Variants in FOCAD observed in about 807,000 individuals in gnomAD.
FOCAD encodes focadhesin.
In FOCAD, 198 loss-of-function variants were observed where a neutral mutation model predicts 225.6. The observed-to-expected ratio is 0.88, with a 90% CI of 0.78 to 0.99. The LOEUF is 0.99. FOCAD is among the 50% of genes least tolerant of loss of function. The pLI, the probability that FOCAD is intolerant of heterozygous loss-of-function variation, is 0.00. For synonymous variants in FOCAD, 897 were observed against 755.0 expected, an observed-to-expected ratio of 1.19 and a Z score of -3.08; for missense variants, 2,713 against 2,123.6, an observed-to-expected ratio of 1.28 and a Z score of -5.46.
At chr9:20,983,208 G>A (rs568925765) in intron 39 of FOCAD, among the ~76,000 whole-genome samples, 2 of 152,150 alleles carry the variant, frequency 1.3e-5, no homozygotes, top group Non-Finnish European at 1.5e-5. Flanking sequence ...TGCAGACGGA[G>A]CCCAGGAGTC....
intron 43 of FOCAD, among the ~76,000 whole-genome samples, chr9:20,995,236 T>C (rs981493186): frequency 1.2e-4 from 19 of 152,006 alleles, no homozygotes; most frequent in African/African-American, 4.3e-4. Flanking sequence ...GAGGAGATTT[T>C]TACAAAGGGA....
At chr9:20,898,507 G>A (rs1445190336) in intron 21 of FOCAD, among the ~76,000 whole-genome samples, 1 of 151,816 alleles carries the variant, frequency 6.6e-6, no homozygotes, top group East Asian at 1.9e-4. Context: ...GTTGTGTCCA[G>A]TCTGTTAATA....
chr9:20,862,884 T>A (rs909504056), intron 16 of FOCAD, 172 bp downstream of exon 16: 5 of 511,458 alleles, frequency 9.8e-6, no homozygotes, highest in African/African-American at 2.0e-5. Flanking sequence ...CAATCTTATG[T>A]CTAAAATGTA....
In FOCAD at chr9:20,932,182, T is replaced by A. The variant is rs185777407; in HGVS notation, c.3318-832T>A. Among the ~76,000 whole-genome samples the A allele has an allele frequency of 3.0e-4, 45 of 152,264 alleles. No homozygotes were observed. In the East Asian group the frequency reaches 8.1e-3, roughly 27 times the overall value. On this transcript the variant is annotated intron_variant, in intron 27 of 43. Coordinates refer to ENST00000338382, the MANE Select transcript of FOCAD (RefSeq NM_001375567.1). ...AAGTCTGTGTGTGTGATATGAGGGG[T>A]GTGCGTGTGGGCATTTGTTTTTCAT...
intron 7 of FOCAD, among the ~76,000 whole-genome samples, chr9:20,767,485 T>C (rs1830150925): frequency 6.6e-6 from 1 of 151,230 alleles, no homozygotes; most frequent in South Asian, 2.1e-4. Flanking sequence ...CTCCAGCACC[T>C]GTTGTTTCCT....
At position 20,816,104 on chromosome 9, in the gene FOCAD, T is replaced by TA. The variant is rs537925470; in HGVS notation, c.1456-3691dup. 1.2e-3 allele frequency among the ~76,000 whole-genome samples: 184 copies of TA among 152,250 alleles called. 1 individual carries two copies. The highest frequency in any genetic ancestry group is 9.7e-3 in the Admixed American group (148 of 15,276). ...CTGGCCAGAGGAAAAGACACACCCT[T>TA]ACGTGCTTTTTTTAGGGCCAAGTCT... is the stretch of plus-strand genomic sequence containing the variant. On this transcript the variant is annotated intron_variant, in intron 11 of 43. Coordinates refer to ENST00000338382, the MANE Select transcript of FOCAD (RefSeq NM_001375567.1).
At chr9:20,867,156 T>A in intron 18 of FOCAD, 144 bp downstream of exon 18, 1 of 531,942 alleles carries the variant, frequency 1.9e-6, no homozygotes, top group Non-Finnish European at 3.3e-6. Context: ...TTCATACCCA[T>A]TATTTGTTTA....
chr9:20,803,975 A>G (rs1822126006), intron 11 of FOCAD, among the ~76,000 whole-genome samples: 1 of 152,142 alleles, frequency 6.6e-6, no homozygotes, highest in Non-Finnish European at 1.5e-5. Flanking sequence ...TAACCTTCCT[A>G]ATCTCCTCAG....
rs775917305 is a variant in FOCAD, at chr9:20,819,905, G to A, written c.1560+5G>A. The A allele has an allele frequency of 2.0e-6, 3 of 1,471,082 alleles. 1 individual carries two copies. The South Asian group carries it at 4.1e-5, about 20-fold the overall frequency. 91.1% of individuals were successfully genotyped at this position (1,471,082 alleles called of 1,614,324 possible). On this transcript the variant is annotated splice_donor_5th_base_variant and intron_variant, in intron 12 of 43. Transcript: ENST00000338382. ...CCTAAGCTTGGTGTTCACAAGGTTA[G>A]TATGTTAATTAATTTAGTTGGCGAA...
intron 1 of FOCAD, among the ~76,000 whole-genome samples, chr9:20,713,766 C>A (rs1825068835): frequency 6.6e-6 from 1 of 152,134 alleles, no homozygotes; most frequent in South Asian, 2.1e-4. Flanking sequence ...TTTCTTTCAC[C>A]CATGGAGATA....
intron 4 of FOCAD, among the ~76,000 whole-genome samples, chr9:20,726,842 CT>C (rs1050204689): frequency 5.3e-5 from 8 of 152,118 alleles, no homozygotes; most frequent in African/African-American, 1.7e-4. Flanking sequence ...GTATTCATAT[CT>C]TGTTACATTA....
chr9:20,797,057 A>G (rs1379096419), intron 11 of FOCAD, among the ~76,000 whole-genome samples: 1 of 152,284 alleles, frequency 6.6e-6, no homozygotes, highest in Middle Eastern at 3.4e-3. Flanking sequence ...TCCCACCATC[A>G]TTTATTAAAT....
intron 10 of FOCAD, among the ~76,000 whole-genome samples, chr9:20,786,727 T>C (rs1343490050): frequency 6.6e-6 from 1 of 152,252 alleles, no homozygotes; most frequent in African/African-American, 2.4e-5. Flanking sequence ...TGTTACTACT[T>C]AATGTGTCTG....
intron 8 of FOCAD, among the ~76,000 whole-genome samples, chr9:20,774,464 A>G (rs1326254477): frequency 6.6e-6 from 1 of 152,234 alleles, no homozygotes; most frequent in Non-Finnish European, 1.5e-5. Flanking sequence ...TAGCTGGAAT[A>G]CTTCCACAAA....
At chr9:20,742,895 C>T (rs1326870173) in intron 5 of FOCAD, among the ~76,000 whole-genome samples, 2 of 152,070 alleles carry the variant, frequency 1.3e-5, no homozygotes, top group Non-Finnish European at 2.9e-5. Context: ...TTAAGAGGTC[C>T]GTAATCAATC....
chr9:20,980,411 T>G (rs1840589807), intron 37 of FOCAD, among the ~76,000 whole-genome samples: 2 of 152,352 alleles, frequency 1.3e-5, no homozygotes, highest in African/African-American at 4.8e-5. Flanking sequence ...GAAATTTTCC[T>G]AAATTTTACT....
intron 10 of FOCAD, among the ~76,000 whole-genome samples, chr9:20,784,581 C>G (rs958190997): frequency 3.9e-5 from 6 of 152,136 alleles, no homozygotes; most frequent in African/African-American, 1.4e-4. Flanking sequence ...CAAAATTCAT[C>G]TTTATGAAAC....
chr9:20,800,665 C>G (rs1821707168), intron 11 of FOCAD, among the ~76,000 whole-genome samples: 1 of 152,266 alleles, frequency 6.6e-6, no homozygotes, highest in Admixed American at 6.5e-5. Context: ...GTGCATTCGT[C>G]AAATAGTTCT....
rs116679820 is a variant in FOCAD, at chr9:20,968,250, C to T, written c.4133-8170C>T. On this transcript the variant is annotated intron_variant, in intron 35 of 43. Coordinates refer to ENST00000338382, the MANE Select transcript of FOCAD (RefSeq NM_001375567.1). The stretch of plus-strand genomic sequence containing the variant: ...TCTAATCTGTTGGCATACATTTTTT[C>T]GTAGAATTCTCTTGTAATCCTTTTT... Among the ~76,000 whole-genome samples the T allele has an allele frequency of 6.2e-3, 947 of 152,040 alleles. 11 individuals are homozygous for T. Among genetic ancestry groups the T allele is most frequent in the African/African-American group, 0.022 (894 of 41,476 alleles).
Sources: gnomAD v4.1 joint callset for allele counts (sites outside exome capture counted in the v4.1 genomes callset) on GRCh38, gnomAD v4.1.1 for gene constraint, MANE v1.5 for transcripts, NCBI Gene and HGNC (gene_info 2026-07-23, HGNC 2026-07-21) for gene names.